The following OR52N4 variants were observed in gnomAD, a reference collection of about 807,000 sequenced individuals.
OR52N4 encodes the protein olfactory receptor 52N4.
A neutral mutation model predicts 15.0 loss-of-function variants in OR52N4; 15 were observed. The observed-to-expected ratio is 1.00, with a 90% CI of 0.67 to 1.54. The LOEUF is 1.54. Among genes scored for constraint, OR52N4 ranks in the 40% most tolerant of loss-of-function variants. The pLI is 0.00. For missense variants in OR52N4, 421 were observed against 394.0 expected, an observed-to-expected ratio of 1.07 and a Z score of -0.58; for synonymous variants, 143 against 143.7, an observed-to-expected ratio of 1.00 and a Z score of 0.03.
chr11:5,740,027 A>G, the OR52N4 span, among the ~76,000 whole-genome samples: 2 of 127,606 alleles, frequency 1.6e-5, 1 homozygote, highest in African/African-American at 5.6e-5. Flanking sequence ...TGGTTTAAAG[A>G]TTCTCTTAAT....
chr11:5,736,623 T>C, the OR52N4 span: 2 of 1,614,052 alleles, frequency 1.2e-6, no homozygotes, highest in Non-Finnish European at 1.7e-6. Context: ...CAACACTGGC[T>C]ATCTCTGCCC....
At chr11:5,737,511 C>T in the OR52N4 span, 2 of 1,585,386 alleles carry the variant, frequency 1.3e-6, no homozygotes, top group Admixed American at 1.8e-5. Context: ...CCATGATGTA[C>T]ATGAACCTCA....
chr11:5,738,052 A>G, the OR52N4 span: 1 of 153,816 alleles, frequency 6.5e-6, no homozygotes. Flanking sequence ...ACAGAACCCA[A>G]AAGATTCATC....
upstream of OR52N4, among the ~76,000 whole-genome samples, chr11:5,749,795 A>T (rs913440739): frequency 6.6e-6 from 1 of 151,944 alleles, no homozygotes; most frequent in Non-Finnish European, 1.5e-5. Context: ...TGGCCTACAG[A>T]GTTTAAGAAT....
the OR52N4 span, among the ~76,000 whole-genome samples, chr11:5,727,981 C>G: frequency 9.2e-5 from 14 of 152,192 alleles, no homozygotes; most frequent in Non-Finnish European, 1.2e-4. Context: ...AAAAGATCCA[C>G]CAGCATCCAC....
the OR52N4 span, chr11:5,737,133 T>C: frequency 6.2e-7 from 1 of 1,614,024 alleles, no homozygotes; most frequent in Non-Finnish European, 8.5e-7. Flanking sequence ...CCAAACAGCA[T>C]TTGCCAGTTG....
chr11:5,728,805 A>C, the OR52N4 span, among the ~76,000 whole-genome samples: 3 of 152,268 alleles, frequency 2.0e-5, no homozygotes, highest in South Asian at 6.2e-4. Flanking sequence ...AGCACTGTCC[A>C]TTTTTCAGAG....
Position 5,754,697 on chromosome 11 carries a change from G to T in OR52N4, c.-44G>T, listed in dbSNP as rs1235597666. Reference sequence around the variant, plus strand: ...TGTTTTTTTTTTTAACTCTAGGAAAGCCCAGACAAATTTTGAGCTATTTCA... The same window carrying T: ...TGTTTTTTTTTTTAACTCTAGGAAATCCCAGACAAATTTTGAGCTATTTCA... On this transcript the variant is annotated 5_prime_UTR_variant, in exon 2 of 2. Transcript: ENST00000641350. 5.3e-6 allele frequency: 8 copies of T among 1,523,770 alleles called. No individual in the cohort carries two copies. In the African/African-American group the frequency reaches 9.8e-5, roughly 19 times the overall value. The allele number at this position is 1,523,770 out of a possible 1,614,324, so 94.4% of individuals were successfully genotyped here. A position where few individuals can be genotyped will look rare whatever the true frequency, so the allele number is the denominator to read the frequency against.
upstream of OR52N4, among the ~76,000 whole-genome samples, chr11:5,752,656 C>G (rs1854213685): frequency 6.6e-6 from 1 of 152,126 alleles, no homozygotes; most frequent in South Asian, 2.1e-4. Context: ...ATTATAAATT[C>G]TAACATACAT....
the OR52N4 span, chr11:5,737,564 G>A: frequency 7.3e-7 from 1 of 1,371,024 alleles, no homozygotes; most frequent in African/African-American, 1.4e-5. Flanking sequence ...GAGGATAAAT[G>A]AGTAAGTGAA....
intron 1 of OR52N4, 32 bp from the exon 2 acceptor site, chr11:5,754,661 A>T: frequency 7.1e-7 from 1 of 1,415,086 alleles, no homozygotes; most frequent in Non-Finnish European, 9.5e-7. Flanking sequence ...AAAATAACCT[A>T]TATTTTCTCT....
chr11:5,737,343 A>G, the OR52N4 span: 1 of 1,614,098 alleles, frequency 6.2e-7, no homozygotes, highest in South Asian at 1.1e-5. Flanking sequence ...ACAGAGATGA[A>G]GGCTACTTTG....
At chr11:5,732,287 A>C in the OR52N4 span, among the ~76,000 whole-genome samples, 1 of 152,022 alleles carries the variant, frequency 6.6e-6, no homozygotes, top group African/African-American at 2.4e-5. Context: ...TAAACTTCCA[A>C]CTTCTGCCCT....
chr11:5,750,300 A>G (rs567082657), upstream of OR52N4, among the ~76,000 whole-genome samples: 164 of 151,972 alleles, frequency 1.1e-3, 6 homozygotes, highest in South Asian at 0.031. Context: ...CAGATCTACA[A>G]GTATATTTTT....
chr11:5,731,855 G>A, the OR52N4 span, among the ~76,000 whole-genome samples: 20 of 151,736 alleles, frequency 1.3e-4, no homozygotes, highest in South Asian at 8.3e-4. Context: ...TATTTTTCCC[G>A]ATTTTAAAAC....
At chr11:5,739,921 C>T in the OR52N4 span, among the ~76,000 whole-genome samples, 8 of 128,308 alleles carry the variant, frequency 6.2e-5, 2 homozygotes, top group South Asian at 1.9e-3. Flanking sequence ...TGAACTGGCC[C>T]GGCTAAGACT....
At chr11:5,753,351 A>C (rs1854227488), upstream of OR52N4, among the ~76,000 whole-genome samples, 1 of 152,108 alleles carries the variant, frequency 6.6e-6, no homozygotes, top group Non-Finnish European at 1.5e-5. Context: ...GTGCTTTGTC[A>C]TGAGAGATAC....
rs1335961518 is a variant in OR52N4 at position 5,755,194 on chromosome 11, C to T, written c.454C>T (p.Leu152=). 8 of 1,613,942 alleles carry T rather than the reference C, an allele frequency of 5.0e-6. No homozygotes were observed. The highest frequency in any genetic ancestry group is 6.8e-6 in the Non-Finnish European group (8 of 1,179,996). ...TGCAAAGGTTGGGACTGCCACCTTCCTGAGAGGGGTATTACTCATTATTCC... is the reference window on the plus strand; with the variant it reads ...TGCAAAGGTTGGGACTGCCACCTTCTTGAGAGGGGTATTACTCATTATTCC... ...VIAKVGTATF[L]RGVLLIIPFT... Residue 152 remains leucine (L), a synonymous_variant, in exon 2 of 2, where the codon CTG becomes TTG. Transcript: ENST00000641350.
chr11:5,731,187 T>C, the OR52N4 span, among the ~76,000 whole-genome samples: 5 of 152,216 alleles, frequency 3.3e-5, no homozygotes, highest in African/African-American at 4.8e-5. Context: ...CTCACATATT[T>C]GGCAGATTAT....
Sources: allele counts gnomAD v4.1 joint callset (sites outside exome capture counted in the v4.1 genomes callset), GRCh38; gene constraint gnomAD v4.1.1; transcripts MANE v1.5; gene names NCBI Gene and HGNC (gene_info 2026-07-23, HGNC 2026-07-21).